The following ETV6 variants were observed in gnomAD, a reference collection of about 807,000 sequenced individuals.
ETV6 encodes the protein transcription factor ETV6.
In ETV6, 16 loss-of-function variants were observed where a neutral mutation model predicts 51.1. The observed-to-expected ratio is 0.31, with a 90% CI of 0.21 to 0.48. The LOEUF is 0.48. Ranked by LOEUF, ETV6 falls within the 20% of genes least tolerant of loss-of-function variation. ETV6 has a pLI of 0.99. For synonymous variants in ETV6, 240 were observed against 224.1 expected, an observed-to-expected ratio of 1.07 and a Z score of -0.64; for missense variants, 458 against 594.8, an observed-to-expected ratio of 0.77 and a Z score of 2.39.
Position 11,853,494 on chromosome 12 carries a change from A to C in ETV6, c.396A>C (p.Pro132=). Residue 132 remains proline (P), a synonymous_variant, in exon 4 of 8, where the codon CCA becomes CCC. Coordinates refer to ENST00000396373, the MANE Select transcript of ETV6 (RefSeq NM_001987.5). ...KQRKPRILFS[P]FFHPGNSIHT... is the part of the protein sequence containing the mutation. ...GGAAACCTCGGATTCTTTTTTCACC[A>C]TTCTTCCACCCTGGAAACTCTATAC... The C allele has an allele frequency of 6.2e-7, 1 of 1,614,170 alleles. No homozygotes were observed. The highest frequency in any genetic ancestry group is 8.5e-7 in the Non-Finnish European group (1 of 1,180,018).
Position 11,869,413 on chromosome 12 carries a change from C to G in ETV6, c.464-11C>G, listed in dbSNP as rs761910356. The G allele has an allele frequency of 6.9e-6, 11 of 1,594,058 alleles. No individual in the cohort carries two copies. The highest frequency in any genetic ancestry group is 2.3e-5 in the South Asian group (2 of 87,356). On this transcript the variant is annotated splice_polypyrimidine_tract_variant and intron_variant, in intron 4 of 7. Transcript: ENST00000396373. The surrounding 1 kb of genome is among the most constrained non-coding windows in gnomAD (Gnocchi z 5.0). ...CTGGGGTCTGTGATTGTCTTTCCCT[C>G]TGCTCCACAGATAACTGTGTCCAGA... is the stretch of plus-strand genomic sequence containing the variant.
intron 3 of ETV6, among the ~76,000 whole-genome samples, chr12:11,852,655 A>G (rs12315726): frequency 0.077 from 11,694 of 152,244 alleles, 643 homozygotes; most frequent in African/African-American, 0.16. Context: ...CTCACAAAAA[A>G]TAAGAGCAAT....
intron 1 of ETV6, among the ~76,000 whole-genome samples, chr12:11,684,388 A>G (rs1182329582): frequency 6.6e-6 from 1 of 152,230 alleles, no homozygotes; most frequent in East Asian, 1.9e-4. Flanking sequence ...TTTTGCTTAG[A>G]AAGTCTTTCT....
At chr12:11,780,624 G>A (rs1015486910) in intron 2 of ETV6, among the ~76,000 whole-genome samples, 2 of 152,164 alleles carry the variant, frequency 1.3e-5, no homozygotes, top group Non-Finnish European at 2.9e-5. Context: ...ACATGAATTC[G>A]TGAGACTAGC....
rs758587774 is a variant in ETV6 at position 11,884,492 on chromosome 12, C to A, written c.1057C>A (p.Arg353=). The change falls in exon 6 of 8, where the codon CGG becomes AGG. Residue 353 remains arginine, a synonymous_variant. Transcript: ENST00000396373. ...CGTCTATCAGTTGCTTTCTGACAGC[C>A]GGTACGAAAACTTCATCCGATGGGA... ...DYVYQLLSDS[R]YENFIRWEDK... 6.2e-7 allele frequency: 1 copy of A among 1,614,130 alleles called. No individual in the cohort carries two copies. The highest frequency in any genetic ancestry group is 2.2e-5 in the East Asian group (1 of 44,888).
chr12:11,855,037 T>C (rs1168697095), intron 4 of ETV6, among the ~76,000 whole-genome samples: 1 of 151,622 alleles, frequency 6.6e-6, no homozygotes, highest in Non-Finnish European at 1.5e-5. Context: ...GGCTCACGCC[T>C]GTAATCCCAG....
intron 1 of ETV6, among the ~76,000 whole-genome samples, chr12:11,691,568 C>T (rs1864763947): frequency 6.6e-6 from 1 of 152,222 alleles, no homozygotes; most frequent in Admixed American, 6.5e-5. Flanking sequence ...TATCACCTTT[C>T]AACTTTATAA....
intron 1 of ETV6, among the ~76,000 whole-genome samples, chr12:11,739,271 G>GA (rs1320319292): frequency 6.6e-6 from 1 of 152,072 alleles, no homozygotes; most frequent in Non-Finnish European, 1.5e-5. Flanking sequence ...GAAGGAAAAG[G>GA]AACAGGGGTC....
At chr12:11,792,976 G>T (rs933532912) in intron 2 of ETV6, among the ~76,000 whole-genome samples, 4 of 151,992 alleles carry the variant, frequency 2.6e-5, no homozygotes, top group Admixed American at 6.5e-5. Context: ...GCTACGGGAG[G>T]GGTGGGAGAT....
At chr12:11,851,623 T>C (rs1269022632) in intron 3 of ETV6, among the ~76,000 whole-genome samples, 1 of 152,222 alleles carries the variant, frequency 6.6e-6, no homozygotes, top group African/African-American at 2.4e-5. Flanking sequence ...CACCTCTGCA[T>C]CTTCCTGCCC....
At chr12:11,741,484 G>A (rs1344772546) in intron 1 of ETV6, among the ~76,000 whole-genome samples, 1 of 152,218 alleles carries the variant, frequency 6.6e-6, no homozygotes, top group Non-Finnish European at 1.5e-5. Flanking sequence ...TCTTGCTCCT[G>A]CCACACACAA....
chr12:11,745,028 T>G (rs1239701892), intron 1 of ETV6, among the ~76,000 whole-genome samples: 4 of 152,244 alleles, frequency 2.6e-5, no homozygotes, highest in Non-Finnish European at 5.9e-5. Flanking sequence ...GTGCTTGTCT[T>G]TAAAGAAATT....
intron 2 of ETV6, among the ~76,000 whole-genome samples, chr12:11,837,220 T>C (rs1467727409): frequency 6.6e-6 from 1 of 152,214 alleles, no homozygotes; most frequent in Non-Finnish European, 1.5e-5. Context: ...TTAGTGGCTG[T>C]ATTTTATTCT....
intron 5 of ETV6, among the ~76,000 whole-genome samples, chr12:11,877,891 G>A (rs760445291): frequency 7.2e-5 from 11 of 152,126 alleles, no homozygotes; most frequent in African/African-American, 9.7e-5. Context: ...TAATTGCTAC[G>A]TGTCACTGTC....
chr12:11,886,404 G>C (rs529508351), intron 7 of ETV6, among the ~76,000 whole-genome samples: 2 of 151,800 alleles, frequency 1.3e-5, no homozygotes, highest in Admixed American at 6.6e-5. Context: ...ACCAGTATTT[G>C]TCAAAATGCA....
intron 1 of ETV6, among the ~76,000 whole-genome samples, chr12:11,722,410 T>A (rs2120933533): frequency 6.6e-6 from 1 of 152,342 alleles, no homozygotes; most frequent in East Asian, 1.9e-4. Flanking sequence ...TAGAGATACA[T>A]TCACCTGCTA....
At chr12:11,778,891 A>G (rs1945372855) in intron 2 of ETV6, among the ~76,000 whole-genome samples, 2 of 152,246 alleles carry the variant, frequency 1.3e-5, no homozygotes, top group South Asian at 4.1e-4. Context: ...CAAGTGATAC[A>G]GCCCTAGGGC....
chr12:11,719,696 G>C lies in ETV6; in HGVS notation c.34-32754G>C, dbSNP rs982601052. On this transcript the variant is annotated intron_variant, in intron 1 of 7. Transcript: ENST00000396373. Reference sequence around the variant, plus strand: ...GGGGTGCTAGGGCAGAGTCAGGCTTGAATCTGAGAAAGGCAAGTCTGTGCA... The same window carrying C: ...GGGGTGCTAGGGCAGAGTCAGGCTTCAATCTGAGAAAGGCAAGTCTGTGCA... Among the ~76,000 whole-genome samples, 6 of 152,234 alleles carry C rather than the reference G, an allele frequency of 3.9e-5. No homozygotes were observed. In the South Asian group the frequency reaches 1.2e-3, roughly 31 times the overall value.
intron 1 of ETV6, among the ~76,000 whole-genome samples, chr12:11,721,943 G>A (rs1054920476): frequency 6.6e-6 from 1 of 152,164 alleles, no homozygotes; most frequent in Non-Finnish European, 1.5e-5. Context: ...CTTTTCACCT[G>A]TGATCAAAGT....
Sources: allele counts gnomAD v4.1 joint callset (sites outside exome capture counted in the v4.1 genomes callset), GRCh38; gene constraint gnomAD v4.1.1; non-coding constraint Gnocchi (gnomAD v3.1); transcripts MANE v1.5; gene names NCBI Gene and HGNC (gene_info 2026-07-23, HGNC 2026-07-21).